The following NRXN3 variants were observed in gnomAD, a reference collection of about 807,000 sequenced individuals.
NRXN3 encodes neurexin 3.
A neutral mutation model predicts 137.6 loss-of-function variants in NRXN3; 32 were observed. The ratio of observed to expected loss-of-function variants is 0.23; its 90% confidence interval spans 0.18 to 0.31. The LOEUF is 0.31. Ranked by LOEUF, NRXN3 falls within the 10% of genes least tolerant of loss-of-function variation. The pLI, the probability that NRXN3 is intolerant of heterozygous loss-of-function variation, is 1.00. For synonymous variants in NRXN3, 798 were observed against 784.5 expected (o/e 1.02, Z -0.29); for missense variants, 1,574 against 2,062.5 (o/e 0.76, Z 4.59).
At chr14:78,558,141 C>G (rs2096755707) in intron 4 of NRXN3, among the ~76,000 whole-genome samples, 1 of 152,166 alleles carries the variant, frequency 6.6e-6, no homozygotes, top group Non-Finnish European at 1.5e-5. Context: ...GAAAGACTGG[C>G]TAATCGTTAT....
At chr14:78,489,260 A>G (rs2095620992) in intron 4 of NRXN3, among the ~76,000 whole-genome samples, 1 of 152,220 alleles carries the variant, frequency 6.6e-6, no homozygotes, top group African/African-American at 2.4e-5. Flanking sequence ...AATCTGGTTT[A>G]TGGACCTGAA....
intron 20 of NRXN3, among the ~76,000 whole-genome samples, chr14:79,820,405 C>T (rs1483304466): frequency 6.6e-6 from 1 of 152,190 alleles, no homozygotes; most frequent in East Asian, 1.9e-4. Flanking sequence ...CACCTGGCAG[C>T]AGATTAGACC....
intron 4 of NRXN3, among the ~76,000 whole-genome samples, chr14:78,378,453 C>T (rs1459944323): frequency 6.8e-6 from 1 of 147,564 alleles, no homozygotes; most frequent in Non-Finnish European, 1.5e-5. Context: ...CCATTGCACT[C>T]CAGCCTGGGC....
At position 78,409,915 on chromosome 14, in the gene NRXN3, A is replaced by G. The variant is rs77273323; in HGVS notation, c.757+112055A>G. On this transcript the variant is annotated intron_variant, in intron 4 of 20. Coordinates refer to ENST00000335750, the MANE Select transcript of NRXN3 (RefSeq NM_001330195.2). The stretch of plus-strand genomic sequence containing the variant: ...AAAGTCTAGGGGTTGCTCTGGGTCT[A>G]GGAATACCTTGATACAAGATCTCAT... Among the ~76,000 whole-genome samples the G allele has an allele frequency of 1.7e-3, 265 of 152,306 alleles. 9 individuals carry two copies. The East Asian group carries it at 0.045, about 26-fold the overall frequency.
intron 8 of NRXN3, among the ~76,000 whole-genome samples, chr14:78,738,414 A>G (rs1294119391): frequency 6.6e-6 from 1 of 151,950 alleles, no homozygotes; most frequent in Non-Finnish European, 1.5e-5. Context: ...TAGGTGGGGG[A>G]ATGTCAGCTG....
chr14:79,105,733 A>G (rs951376852), intron 15 of NRXN3, among the ~76,000 whole-genome samples: 1 of 152,170 alleles, frequency 6.6e-6, no homozygotes, highest in African/African-American at 2.4e-5. Context: ...GTATCAGAGA[A>G]ACAGTGGAGA....
At chr14:79,817,429 C>T (rs1392470678) in intron 20 of NRXN3, among the ~76,000 whole-genome samples, 3 of 152,170 alleles carry the variant, frequency 2.0e-5, no homozygotes, top group Admixed American at 2.0e-4. Context: ...TAGGCTTTCT[C>T]CTATAGGTTT....
chr14:79,738,343 A>ACACG, intron 19 of NRXN3, among the ~76,000 whole-genome samples: 1 of 150,234 alleles, frequency 6.7e-6, no homozygotes, highest in East Asian at 2.0e-4. Context: ...ACACACACAC[A>ACACG]CACACACACA....
chr14:78,568,536 C>A (rs1440218883), intron 4 of NRXN3, among the ~76,000 whole-genome samples: 1 of 152,184 alleles, frequency 6.6e-6, no homozygotes, highest in Non-Finnish European at 1.5e-5. Context: ...TACCAGGTAT[C>A]CCAGACTTTG....
At chr14:78,750,982 T>C (rs2098638655) in intron 8 of NRXN3, among the ~76,000 whole-genome samples, 1 of 152,208 alleles carries the variant, frequency 6.6e-6, no homozygotes, top group South Asian at 2.1e-4. Flanking sequence ...AACACTGACA[T>C]GCATAATTCC....
At chr14:78,407,086 T>C (rs2092534269) in intron 4 of NRXN3, among the ~76,000 whole-genome samples, 1 of 152,220 alleles carries the variant, frequency 6.6e-6, no homozygotes, top group African/African-American at 2.4e-5. Flanking sequence ...GTTGTTTCAC[T>C]AACTCCTACC....
At chr14:78,754,521 T>G (rs141043502) in intron 8 of NRXN3, among the ~76,000 whole-genome samples, 164 of 152,332 alleles carry the variant, frequency 1.1e-3, no homozygotes, top group African/African-American at 3.8e-3. Context: ...TCAAGGTAAT[T>G]TGCTCTTGGA....
chr14:78,668,938 G>GTC (rs1480036300), intron 6 of NRXN3, among the ~76,000 whole-genome samples: 1 of 110,776 alleles, frequency 9.0e-6, no homozygotes, highest in Admixed American at 8.1e-5. Flanking sequence ...CTATCTGTCT[G>GTC]TCTGTCTGTC....
At chr14:79,108,763 G>A (rs755289913) in intron 15 of NRXN3, among the ~76,000 whole-genome samples, 1 of 152,120 alleles carries the variant, frequency 6.6e-6, no homozygotes, top group East Asian at 1.9e-4. Flanking sequence ...AACTTGAAGG[G>A]AGAAAGAAAT....
chr14:78,475,657 T>C lies in NRXN3; in HGVS notation c.758-169463T>C, dbSNP rs1319335898. On this transcript the variant is annotated intron_variant, in intron 4 of 20. Transcript: ENST00000335750. The stretch of plus-strand genomic sequence containing the variant: ...GACAAATAACAGGGCAGACAAAGAG[T>C]ATTTCAGCCTTACCAAACACCTCTG... Among the ~76,000 whole-genome samples the C allele has an allele frequency of 6.6e-5, 10 of 151,720 alleles. No individual in the cohort carries two copies. In the South Asian group the frequency reaches 2.1e-3, roughly 32 times the overall value.
At chr14:78,730,310 C>T (rs187636629) in intron 8 of NRXN3, among the ~76,000 whole-genome samples, 12 of 152,306 alleles carry the variant, frequency 7.9e-5, no homozygotes, top group Admixed American at 7.2e-4. Context: ...GGATGATACC[C>T]TTTTGTTCCC....
chr14:78,631,615 G>T (rs61976114), intron 4 of NRXN3, among the ~76,000 whole-genome samples: 9,280 of 152,236 alleles, frequency 0.061, 347 homozygotes, highest in Middle Eastern at 0.15. Flanking sequence ...TTTCAGAGAG[G>T]CTTAATACTC....
chr14:79,607,525 A>G (rs776004135), intron 16 of NRXN3, among the ~76,000 whole-genome samples: 2 of 152,168 alleles, frequency 1.3e-5, no homozygotes, highest in Non-Finnish European at 2.9e-5. Context: ...TGTAACTTAG[A>G]TATTTCTTTC....
intron 15 of NRXN3, among the ~76,000 whole-genome samples, chr14:79,104,236 T>C (rs1393090009): frequency 6.6e-6 from 1 of 152,192 alleles, no homozygotes; most frequent in Non-Finnish European, 1.5e-5. Context: ...ATAGGACATG[T>C]GGAAACATCC....
Sources: gnomAD v4.1 joint callset for allele counts (sites outside exome capture counted in the v4.1 genomes callset) on GRCh38, gnomAD v4.1.1 for gene constraint, MANE v1.5 for transcripts, NCBI Gene and HGNC (gene_info 2026-07-23, HGNC 2026-07-21) for gene names.